The following PMF1 variants were observed in gnomAD, a reference collection of about 807,000 sequenced individuals.
The protein encoded by PMF1 is polyamine modulated factor 1, also known as polyamine-modulated factor 1.
PMF1 carries 21 observed loss-of-function variants against 26.7 expected under a neutral mutation model. That is an observed-to-expected ratio of 0.79 (90% CI 0.56 to 1.13). The LOEUF is 1.13. PMF1 is among the 50% of genes most tolerant of loss of function. The probability of loss-of-function intolerance (pLI) is 0.00; values close to 1 mark genes in which losing one functional copy is unlikely to be tolerated. For synonymous variants in PMF1, 105 were observed against 101.0 expected (o/e 1.04, Z -0.24); for missense variants, 266 against 254.9 (o/e 1.04, Z -0.30).
intron 1 of PMF1, among the ~76,000 whole-genome samples, chr1:156,222,412 C>T (rs916446636): frequency 1.7e-4 from 26 of 151,480 alleles, no homozygotes; most frequent in East Asian, 1.9e-4. Context: ...GATGGAGTTT[C>T]GCTCTTGTTG....
In PMF1 at chr1:156,239,628, G is replaced by T; in HGVS notation, c.*27G>T. Reference sequence around the variant, plus strand: ...GAGACCGCCAGCCCCAGAAGCAGAGGGCAGTCAAGGTCAAGAGCCTGTGGT... The same window carrying T: ...GAGACCGCCAGCCCCAGAAGCAGAGTGCAGTCAAGGTCAAGAGCCTGTGGT... On this transcript the variant is annotated 3_prime_UTR_variant, in exon 5 of 5. Coordinates refer to ENST00000368277, the MANE Select transcript of PMF1 (RefSeq NM_007221.4). 1 of 1,603,118 alleles carries T rather than the reference G, an allele frequency of 6.2e-7. No individual in the cohort carries two copies. The highest frequency in any genetic ancestry group is 8.5e-7 in the Non-Finnish European group (1 of 1,171,834).
chr1:156,238,480 T>C (rs1307466023), intron 4 of PMF1, among the ~76,000 whole-genome samples: 2 of 152,210 alleles, frequency 1.3e-5, no homozygotes, highest in Non-Finnish European at 2.9e-5. Context: ...ATGAGACAGA[T>C]TTTCCTATGG....
intron 1 of PMF1, chr1:156,225,480 C>T (rs1008979990): frequency 2.5e-6 from 2 of 794,020 alleles, no homozygotes; most frequent in Admixed American, 4.2e-5. Context: ...TTGGCAAAGT[C>T]CATTGTACCA....
At chr1:156,232,672 A>G (rs140597026) in intron 2 of PMF1, among the ~76,000 whole-genome samples, 141 of 149,806 alleles carry the variant, frequency 9.4e-4, no homozygotes, top group Non-Finnish European at 1.6e-3. Context: ...TCTCTAGACC[A>G]TGCAAACTCA....
intron 1 of PMF1, among the ~76,000 whole-genome samples, chr1:156,227,934 ATT>A (rs35566648): frequency 1.8e-3 from 210 of 119,850 alleles, no homozygotes; most frequent in African/African-American, 5.2e-3. Context: ...CCTGACTATG[ATT>A]TTTTTTTTTT....
At chr1:156,218,284 A>G (rs778485116) in intron 1 of PMF1, among the ~76,000 whole-genome samples, 18 of 152,310 alleles carry the variant, frequency 1.2e-4, no homozygotes, top group Non-Finnish European at 2.1e-4. Flanking sequence ...CTATTGGGTG[A>G]TAACTTTGTT....
chr1:156,231,384 G>A (rs1658697160), intron 1 of PMF1, among the ~76,000 whole-genome samples: 1 of 151,798 alleles, frequency 6.6e-6, no homozygotes, highest in Admixed American at 6.6e-5. Context: ...CCCAGGTGAT[G>A]GAATGAGATC....
At chr1:156,231,375 C>T (rs1658695658) in intron 1 of PMF1, among the ~76,000 whole-genome samples, 1 of 151,758 alleles carries the variant, frequency 6.6e-6, no homozygotes, top group South Asian at 2.1e-4. Flanking sequence ...GCACTCCAGC[C>T]CAGGTGATGG....
chr1:156,213,931 T>A (rs1024250208), intron 1 of PMF1, among the ~76,000 whole-genome samples: 4 of 152,198 alleles, frequency 2.6e-5, no homozygotes, highest in African/African-American at 7.2e-5. Context: ...TTTTATTTTT[T>A]GAGACGGAGT....
intron 1 of PMF1, chr1:156,220,586 A>G (rs920826608): frequency 1.3e-5 from 2 of 151,864 alleles, no homozygotes; most frequent in African/African-American, 4.9e-5. Context: ...AACGTAATTA[A>G]TAACCTCTTT....
rs7545035 is a variant in PMF1, at chr1:156,217,324, G to A, written c.161+4148G>A. On this transcript the variant is annotated intron_variant, in intron 1 of 4. Coordinates refer to ENST00000368277, the MANE Select transcript of PMF1 (RefSeq NM_007221.4). The stretch of plus-strand genomic sequence containing the variant: ...GAGGTTAAGGAAGTGGCATTTGACT[G>A]TATCCTTGTAAAATATGTTATATTT... 1.8e-3 allele frequency among the ~76,000 whole-genome samples: 269 copies of A among 151,750 alleles called. 1 individual carries two copies. Among genetic ancestry groups the A allele is most frequent in the African/African-American group, 6.3e-3 (259 of 41,348 alleles).
At chr1:156,232,482 C>A in intron 2 of PMF1, 57 bp downstream of exon 2, 2 of 1,562,146 alleles carry the variant, frequency 1.3e-6, no homozygotes, top group South Asian at 1.1e-5. Context: ...TCCAGATTGT[C>A]AGTCCCCTGA....
intron 4 of PMF1, chr1:156,236,933 A>G (rs1001781152): frequency 3.6e-5 from 6 of 168,070 alleles, no homozygotes; most frequent in Non-Finnish European, 7.7e-5. Flanking sequence ...AAATTGATAC[A>G]TCATATTTTA....
At chr1:156,228,341 G>A (rs1193135506) in intron 1 of PMF1, among the ~76,000 whole-genome samples, 1 of 136,050 alleles carries the variant, frequency 7.4e-6, no homozygotes, top group Non-Finnish European at 1.5e-5. Context: ...AAATCCACAA[G>A]GGCATTCAAA....
At chr1:156,221,548 G>T (rs1350977553) in intron 1 of PMF1, among the ~76,000 whole-genome samples, 1 of 152,084 alleles carries the variant, frequency 6.6e-6, no homozygotes, top group Non-Finnish European at 1.5e-5. Context: ...TGTCTGTCTT[G>T]TTCATCATTC....
At chr1:156,213,386 C>T (rs1657496580) in intron 1 of PMF1, among the ~76,000 whole-genome samples, 1 of 152,204 alleles carries the variant, frequency 6.6e-6, no homozygotes, top group African/African-American at 2.4e-5. Flanking sequence ...GCTAGCTACT[C>T]CTTCCTACAG....
intron 1 of PMF1, among the ~76,000 whole-genome samples, chr1:156,217,291 G>A (rs1657823594): frequency 6.6e-6 from 1 of 151,786 alleles, no homozygotes; most frequent in Non-Finnish European, 1.5e-5. Context: ...AGGGGTCAGG[G>A]TGAGGAGGAG....
chr1:156,221,636 G>A (rs565352194), intron 1 of PMF1, among the ~76,000 whole-genome samples: 1 of 152,286 alleles, frequency 6.6e-6, no homozygotes, highest in East Asian at 1.9e-4. Context: ...GGATTCCCAA[G>A]CAATATCTCC....
At chr1:156,228,203 G>A (rs1451807302) in intron 1 of PMF1, among the ~76,000 whole-genome samples, 1 of 141,822 alleles carries the variant, frequency 7.1e-6, no homozygotes, top group Non-Finnish European at 1.5e-5. Context: ...TGATCTGCCC[G>A]CCTCGGCCTC....
Sources: allele counts gnomAD v4.1 joint callset (sites outside exome capture counted in the v4.1 genomes callset), GRCh38; gene constraint gnomAD v4.1.1; transcripts MANE v1.5; gene names NCBI Gene and HGNC (gene_info 2026-07-23, HGNC 2026-07-21).